Variants in TUBB6 observed in about 807,000 individuals in gnomAD.
TUBB6 encodes tubulin beta 6 class V.
A neutral mutation model predicts 32.3 loss-of-function variants in TUBB6; 18 were observed. That is an observed-to-expected ratio of 0.56 (90% confidence interval 0.39 to 0.83). The LOEUF (loss-of-function observed/expected upper bound fraction) is 0.83, where lower values mean the gene tolerates loss of function less well. Among genes scored for constraint, TUBB6 ranks in the 40% least tolerant of loss-of-function variants. The pLI is 0.00. For missense variants in TUBB6, 480 were observed against 632.0 expected (o/e 0.76, Z 2.58); for synonymous variants, 280 against 265.8 (o/e 1.05, Z -0.52).
intron 3 of TUBB6, among the ~76,000 whole-genome samples, chr18:12,321,590 G>T (rs1906990420): frequency 1.3e-5 from 2 of 152,196 alleles, no homozygotes; most frequent in African/African-American, 4.8e-5. Context: ...GCAGCATCAG[G>T]GATGGACCTG....
At position 12,326,147 on chromosome 18, in the gene TUBB6, C is replaced by G. The variant is rs1183813807; in HGVS notation, c.*17C>G. ...GATGGATAGTCGGAATAGAGCCGCC[C>G]CAACTCAGATCCTACAACACGCAAG... On this transcript the variant is annotated 3_prime_UTR_variant, in exon 4 of 4. Coordinates refer to ENST00000317702, the MANE Select transcript of TUBB6 (RefSeq NM_032525.3). 5.6e-6 allele frequency: 9 copies of G among 1,598,740 alleles called. No homozygotes were observed. The highest frequency in any genetic ancestry group is 6.8e-6 in the Non-Finnish European group (8 of 1,171,878).
rs151109094 is a variant in TUBB6 at position 12,312,070 on chromosome 18, A to G, written c.277+1017A>G. ...GAATCAAATACATCATGAAAAATCT[A>G]CATTCTAACCCCTTTCTCAAAAGGC... is the stretch of plus-strand genomic sequence containing the variant. On this transcript the variant is annotated intron_variant, in intron 3 of 3. Coordinates refer to ENST00000317702, the MANE Select transcript of TUBB6 (RefSeq NM_032525.3). Among the ~76,000 whole-genome samples, 741 of 152,334 alleles carry G rather than the reference A, an allele frequency of 4.9e-3. 9 individuals are homozygous for G. Among genetic ancestry groups the G allele is most frequent in the African/African-American group, 0.016 (686 of 41,580 alleles).
intron 3 of TUBB6, chr18:12,324,699 C>T: frequency 9.9e-7 from 1 of 1,013,264 alleles, no homozygotes; most frequent in Non-Finnish European, 1.3e-6. Context: ...GATCCACCCG[C>T]CTCGGCCTCC....
chr18:12,320,998 C>A (rs1906959422), intron 3 of TUBB6, among the ~76,000 whole-genome samples: 1 of 152,300 alleles, frequency 6.6e-6, no homozygotes, highest in South Asian at 2.1e-4. Flanking sequence ...GGATCTCTGT[C>A]AGTTTCACAG....
rs183726950 is a variant in TUBB6 at position 12,324,481 on chromosome 18, C to G, written c.278-586C>G. Among the ~76,000 whole-genome samples the G allele has an allele frequency of 3.4e-5, 5 of 144,970 alleles. No individual in the cohort carries two copies. In the East Asian group the frequency reaches 1.0e-3, roughly 29 times the overall value. On this transcript the variant is annotated intron_variant, in intron 3 of 3. Coordinates refer to ENST00000317702, the MANE Select transcript of TUBB6 (RefSeq NM_032525.3). ...TTTTTGAGCTGTAGTCCCATTCTGA[C>G]GCCCAAGCTGGAGTGCAGTGGCACC...
chr18:12,314,758 A>G (rs963107326), intron 3 of TUBB6, among the ~76,000 whole-genome samples: 1 of 152,218 alleles, frequency 6.6e-6, no homozygotes, highest in Non-Finnish European at 1.5e-5. Flanking sequence ...GTCAACTGTG[A>G]GCTCAGCTGT....
At chr18:12,308,656 G>T (rs756386499) in intron 1 of TUBB6, 31 bp from the exon 2 acceptor site, 1 of 1,470,078 alleles carries the variant, frequency 6.8e-7, no homozygotes, top group South Asian at 1.1e-5. Flanking sequence ...TGGGTTCTGA[G>T]CGTCTGTCCC....
Position 12,325,460 on chromosome 18 carries a change from A to G in TUBB6, c.671A>G (p.Asp224Gly). ...AAGCTGACAACGCCCACCTACGGGGACCTCAACCACCTGGTGTCCGCCACC... is the reference window on the plus strand; with the variant it reads ...AAGCTGACAACGCCCACCTACGGGGGCCTCAACCACCTGGTGTCCGCCACC... ...TLKLTTPTYG[D>G]LNHLVSATMS... is the part of the protein sequence containing the mutation. The change falls in exon 4 of 4, where the codon GAC (aspartate) becomes GGC (glycine). Residue 224 changes from aspartate to glycine, a missense_variant. Asp to Gly is a moderately conservative substitution (Grantham distance 94, BLOSUM62 -1). Coordinates refer to ENST00000317702, the MANE Select transcript of TUBB6 (RefSeq NM_032525.3). 1 of 1,614,160 alleles carries G rather than the reference A, an allele frequency of 6.2e-7. No individual in the cohort carries two copies. Among genetic ancestry groups the G allele is most frequent in the Non-Finnish European group, 8.5e-7 (1 of 1,180,016 alleles).
chr18:12,319,433 A>G (rs1359084661), intron 3 of TUBB6, among the ~76,000 whole-genome samples: 1 of 151,858 alleles, frequency 6.6e-6, no homozygotes, highest in African/African-American at 2.4e-5. Flanking sequence ...GGTGTGAGCC[A>G]CCGCGCCCGG....
chr18:12,325,496 T>TCAC lies in TUBB6; in HGVS notation c.712_714dup (p.Thr238dup). 6.2e-7 allele frequency: 1 copy of TCAC among 1,614,128 alleles called. No homozygotes were observed. The highest frequency in any genetic ancestry group is 8.5e-7 in the Non-Finnish European group (1 of 1,180,030). On this transcript the variant is annotated inframe_insertion, in exon 4 of 4. Coordinates refer to ENST00000317702, the MANE Select transcript of TUBB6 (RefSeq NM_032525.3). ...CTGGTGTCCGCCACCATGAGTGGGG[T>TCAC]CACCACCTCGCTGCGCTTCCCGGGC...
Position 12,325,446 on chromosome 18 carries a change from G to T in TUBB6, c.657G>T (p.Thr219=). ...DICFRTLKLT[T]PTYGDLNHLV... is the part of the protein sequence containing the mutation. ...GCTTCCGCACTCTGAAGCTGACAACGCCCACCTACGGGGACCTCAACCACC... is the reference window on the plus strand; with the variant it reads ...GCTTCCGCACTCTGAAGCTGACAACTCCCACCTACGGGGACCTCAACCACC... The change falls in exon 4 of 4, where the codon ACG becomes ACT. Residue 219 remains threonine, a synonymous_variant. Transcript: ENST00000317702. 3.7e-6 allele frequency: 6 copies of T among 1,614,194 alleles called. No individual in the cohort carries two copies. The highest frequency in any genetic ancestry group is 5.1e-6 in the Non-Finnish European group (6 of 1,180,038).
Position 12,325,635 on chromosome 18 carries a change from G to GGCCCTGACCGT in TUBB6, c.851_861dup (p.Glu288Ter), listed in dbSNP as rs1209628753. 4 of 1,613,760 alleles carry GGCCCTGACCGT rather than the reference G, an allele frequency of 2.5e-6. No individual in the cohort carries two copies. Among genetic ancestry groups the GGCCCTGACCGT allele is most frequent in the African/African-American group, 1.3e-5 (1 of 74,938 alleles). ...CCAGCCGCGGCAGCCAGCAGTACCG[G>GGCCCTGACCGT]GCCCTGACCGTGCCCGAGCTCACCC... is the stretch of plus-strand genomic sequence containing the variant. On this transcript the variant is annotated frameshift_variant, in exon 4 of 4. Transcript: ENST00000317702. LOFTEE classifies it high-confidence loss of function.
In TUBB6 at chr18:12,326,034, G is replaced by A; in HGVS notation, c.1245G>A (p.Met415Ile). 1 of 1,614,142 alleles carries A rather than the reference G, an allele frequency of 6.2e-7. No homozygotes were observed. The highest frequency in any genetic ancestry group is 1.3e-5 in the African/African-American group (1 of 75,054). The change falls in exon 4 of 4, where the codon ATG becomes ATA. Residue 415 changes from methionine (M) to isoleucine (I), a missense_variant. Physicochemically the swap from Met to Ile is conservative, Grantham distance 10. Transcript: ENST00000317702. ...AGTTCACCGAGGCGGAGAGCAACAT[G>A]AACGACCTGGTATCCGAGTACCAGC... The part of the protein sequence containing the change: ...EMEFTEAESN[M>I]NDLVSEYQQY...
At position 12,319,134 on chromosome 18, in the gene TUBB6, C is replaced by CT. The variant is rs869296345; in HGVS notation, c.278-5919dup. ...GTCCTGCTGACATTTTTCCTTTTTCCTTTTTTTTTTTTTTCTTTTTTTTTT... is the reference window on the plus strand; with the variant it reads ...GTCCTGCTGACATTTTTCCTTTTTCCTTTTTTTTTTTTTTTCTTTTTTTTTT... On this transcript the variant is annotated intron_variant, in intron 3 of 3. Coordinates refer to ENST00000317702, the MANE Select transcript of TUBB6 (RefSeq NM_032525.3). Among the ~76,000 whole-genome samples, 87 of 9,448 alleles carry CT rather than the reference C, an allele frequency of 9.2e-3. 1 individual carries two copies. In the South Asian group the frequency reaches 0.21, roughly 22 times the overall value. 6.2% of individuals were successfully genotyped at this position (9,448 alleles called of 152,430 possible).
chr18:12,311,883 C>G lies in TUBB6; in HGVS notation c.277+830C>G, dbSNP rs548318925. Reference sequence around the variant, plus strand: ...AGGTGGCAGATTTGGAAGTTTCCCACCTATTTTAATGTTAGAGACCACATA... The same window carrying G: ...AGGTGGCAGATTTGGAAGTTTCCCAGCTATTTTAATGTTAGAGACCACATA... On this transcript the variant is annotated intron_variant, in intron 3 of 3. Coordinates refer to ENST00000317702, the MANE Select transcript of TUBB6 (RefSeq NM_032525.3). Among the ~76,000 whole-genome samples the G allele has an allele frequency of 1.3e-4, 20 of 152,140 alleles. No homozygotes were observed. The South Asian group carries it at 1.7e-3, about 13-fold the overall frequency.
At chr18:12,320,304 G>T (rs1906921325) in intron 3 of TUBB6, among the ~76,000 whole-genome samples, 1 of 151,994 alleles carries the variant, frequency 6.6e-6, no homozygotes, top group Admixed American at 6.6e-5. Context: ...TAGTTAAAAT[G>T]TCATAAAGCT....
At chr18:12,328,009 A>G (rs1318092336), downstream of TUBB6, among the ~76,000 whole-genome samples, 4 of 152,234 alleles carry the variant, frequency 2.6e-5, no homozygotes, top group Admixed American at 2.6e-4. Context: ...ACAATGCTTC[A>G]TTGGGCACCT....
At chr18:12,316,737 A>T (rs1165604095) in intron 3 of TUBB6, among the ~76,000 whole-genome samples, 2 of 152,244 alleles carry the variant, frequency 1.3e-5, no homozygotes, top group Non-Finnish European at 2.9e-5. Flanking sequence ...ATTGTCTGTG[A>T]ACTGGAGATG....
Sources: allele counts gnomAD v4.1 joint callset (sites outside exome capture counted in the v4.1 genomes callset), GRCh38; gene constraint gnomAD v4.1.1; transcripts MANE v1.5; gene names NCBI Gene and HGNC (gene_info 2026-07-23, HGNC 2026-07-21).